ASAP2: variants seen among roughly 807,000 people sequenced by gnomAD.
ASAP2 encodes the protein arf-GAP with SH3 domain, ANK repeat and PH domain-containing protein 2.
ASAP2 carries 45 observed loss-of-function variants against 131.4 expected under a neutral mutation model. That is an observed-to-expected ratio of 0.34 (90% CI 0.27 to 0.44). ASAP2 has a LOEUF of 0.44. Among genes scored for constraint, ASAP2 ranks in the 20% least tolerant of loss-of-function variants. ASAP2 has a pLI of 1.00. For synonymous variants in ASAP2, 510 were observed against 503.0 expected, an observed-to-expected ratio of 1.01 and a Z score of -0.19; for missense variants, 1,011 against 1,297.0, an observed-to-expected ratio of 0.78 and a Z score of 3.39.
At chr2:9,349,937 C>T (rs542766602) in intron 11 of ASAP2, among the ~76,000 whole-genome samples, 8 of 152,206 alleles carry the variant, frequency 5.3e-5, no homozygotes, top group South Asian at 2.1e-4. Flanking sequence ...GGCCCAAGAA[C>T]GATGGAAGTT....
At chr2:9,259,876 C>T (rs1251242301) in intron 1 of ASAP2, among the ~76,000 whole-genome samples, 1 of 152,196 alleles carries the variant, frequency 6.6e-6, no homozygotes, top group African/African-American at 2.4e-5. Flanking sequence ...CCTGATGAGC[C>T]CCTGCAGTGT....
At chr2:9,316,730 A>G (rs2148482300) in intron 3 of ASAP2, among the ~76,000 whole-genome samples, 1 of 152,260 alleles carries the variant, frequency 6.6e-6, no homozygotes, top group Middle Eastern at 3.4e-3. Context: ...AACTGCTGTC[A>G]CGGAGACTTG....
chr2:9,272,319 C>G (rs780556292), intron 1 of ASAP2, among the ~76,000 whole-genome samples: 47 of 152,304 alleles, frequency 3.1e-4, no homozygotes, highest in Middle Eastern at 3.4e-3. Flanking sequence ...TGATGTTGAA[C>G]ACCTTTTTGT....
chr2:9,390,304 A>G (rs1675617778), intron 22 of ASAP2, among the ~76,000 whole-genome samples: 1 of 152,196 alleles, frequency 6.6e-6, no homozygotes, highest in Non-Finnish European at 1.5e-5. Context: ...TTTGGGGCGG[A>G]CCTGGCTCCC....
intron 1 of ASAP2, among the ~76,000 whole-genome samples, chr2:9,276,786 C>T (rs1666787375): frequency 6.6e-6 from 1 of 152,162 alleles, no homozygotes; most frequent in African/African-American, 2.4e-5. Context: ...GTGATCCTCC[C>T]ACCTCGACCT....
At chr2:9,358,153 A>T (rs183810840) in intron 14 of ASAP2, among the ~76,000 whole-genome samples, 3 of 152,322 alleles carry the variant, frequency 2.0e-5, no homozygotes, top group East Asian at 1.9e-4. Flanking sequence ...TCTCTGCCAT[A>T]TAGTGAGATA....
chr2:9,365,679 G>A (rs1673417289), intron 15 of ASAP2, among the ~76,000 whole-genome samples: 1 of 152,156 alleles, frequency 6.6e-6, no homozygotes, highest in Admixed American at 6.5e-5. Flanking sequence ...CAAGAAAAGG[G>A]GCCTCCTGGC....
intron 15 of ASAP2, 26 bp downstream of exon 15, chr2:9,358,915 A>G (rs766156444): frequency 6.3e-7 from 1 of 1,593,556 alleles, no homozygotes; most frequent in South Asian, 1.1e-5. Context: ...TTGATTTCAG[A>G]TTGGAAACAA....
At chr2:9,246,745 T>C (rs1231755196) in intron 1 of ASAP2, among the ~76,000 whole-genome samples, 3 of 152,244 alleles carry the variant, frequency 2.0e-5, no homozygotes, top group Non-Finnish European at 2.9e-5. Context: ...ATCTAAATGG[T>C]TTAATCCATT....
intron 3 of ASAP2, among the ~76,000 whole-genome samples, chr2:9,317,458 G>GAC (rs1669815414): frequency 8.8e-6 from 1 of 113,142 alleles, no homozygotes; most frequent in Non-Finnish European, 1.9e-5. Context: ...ACACACATGT[G>GAC]CATTCACCTT....
intron 14 of ASAP2, among the ~76,000 whole-genome samples, chr2:9,357,337 G>A (rs1216985145): frequency 2.6e-5 from 4 of 151,974 alleles, no homozygotes; most frequent in Non-Finnish European, 5.9e-5. Flanking sequence ...TAATTAGCCC[G>A]GCGTGGTAGT....
At chr2:9,276,034 C>T (rs1292259170) in intron 1 of ASAP2, among the ~76,000 whole-genome samples, 2 of 152,144 alleles carry the variant, frequency 1.3e-5, no homozygotes, top group Non-Finnish European at 2.9e-5. Context: ...CGTAGTAAGT[C>T]CTGGGCTCCT....
At chr2:9,375,197 C>T (rs562402134) in intron 17 of ASAP2, among the ~76,000 whole-genome samples, 96 of 151,118 alleles carry the variant, frequency 6.4e-4, no homozygotes, top group African/African-American at 2.3e-3. Flanking sequence ...TGAGAGGAAT[C>T]GGTTGAGCCC....
chr2:9,394,321 C>T (rs1254376221), intron 24 of ASAP2, among the ~76,000 whole-genome samples: 3 of 152,070 alleles, frequency 2.0e-5, no homozygotes, highest in East Asian at 1.9e-4. Flanking sequence ...CCTCCCACCA[C>T]GCCTGGCTAA....
intron 1 of ASAP2, among the ~76,000 whole-genome samples, chr2:9,278,712 A>G (rs1319310079): frequency 1.3e-5 from 2 of 152,176 alleles, no homozygotes; most frequent in East Asian, 1.9e-4. Context: ...TGAATATTAT[A>G]TATGAGAGTA....
At position 9,301,470 on chromosome 2, in the gene ASAP2, T is replaced by C. The variant is rs532058881; in HGVS notation, c.345+4025T>C. Among the ~76,000 whole-genome samples, 3 of 152,326 alleles carry C rather than the reference T, an allele frequency of 2.0e-5. No homozygotes were observed. The East Asian group carries it at 5.8e-4, about 29-fold the overall frequency. ...CCTAGTTTCAGGGGTTCTTTTCCTCTTCCCCAATGGATGTGAGAATCCTGG... is the reference window on the plus strand; with the variant it reads ...CCTAGTTTCAGGGGTTCTTTTCCTCCTCCCCAATGGATGTGAGAATCCTGG... On this transcript the variant is annotated intron_variant, in intron 3 of 27. Coordinates refer to ENST00000281419, the MANE Select transcript of ASAP2 (RefSeq NM_003887.3).
intron 1 of ASAP2, among the ~76,000 whole-genome samples, chr2:9,222,375 A>T (rs948303001): frequency 1.3e-5 from 2 of 152,206 alleles, no homozygotes; most frequent in African/African-American, 2.4e-5. Flanking sequence ...TTGTCTGGCC[A>T]CGGTGCTTGG....
chr2:9,319,278 G>A (rs976773876), intron 4 of ASAP2, among the ~76,000 whole-genome samples: 1 of 152,230 alleles, frequency 6.6e-6, no homozygotes, highest in Non-Finnish European at 1.5e-5. Flanking sequence ...CTGCCTTCTC[G>A]GGAGACTCAA....
At chr2:9,360,105 G>A (rs1373126094) in intron 15 of ASAP2, among the ~76,000 whole-genome samples, 5 of 152,228 alleles carry the variant, frequency 3.3e-5, no homozygotes, top group African/African-American at 9.6e-5. Flanking sequence ...CATTTTCAAA[G>A]AAGCACAAAG....
Sources: allele counts gnomAD v4.1 joint callset (sites outside exome capture counted in the v4.1 genomes callset), GRCh38; gene constraint gnomAD v4.1.1; transcripts MANE v1.5; gene names NCBI Gene and HGNC (gene_info 2026-07-23, HGNC 2026-07-21).